Variants in CDH20 observed in about 807,000 individuals in gnomAD.
CDH20 encodes the protein cadherin 20, also known as cadherin-20.
Under a neutral mutation model 74.2 loss-of-function variants are expected in CDH20, and 29 were observed. The ratio of observed to expected loss-of-function variants is 0.39; its 90% CI spans 0.29 to 0.53. The LOEUF (loss-of-function observed/expected upper bound fraction) is 0.53. Ranked by LOEUF, CDH20 falls within the 20% of genes least tolerant of loss-of-function variation. CDH20 has a pLI of 0.69. For missense variants in CDH20, 988 were observed against 1,048.3 expected, an observed-to-expected ratio of 0.94 and a Z score of 0.79; for synonymous variants, 469 against 405.4, an observed-to-expected ratio of 1.16 and a Z score of -1.88.
chr18:61,467,239 T>C (rs1198065684), intron 1 of CDH20, among the ~76,000 whole-genome samples: 2 of 152,188 alleles, frequency 1.3e-5, no homozygotes, highest in Non-Finnish European at 2.9e-5. Context: ...CAAATTGTAG[T>C]ATTGGAAAAT....
intron 1 of CDH20, among the ~76,000 whole-genome samples, chr18:61,424,636 C>A (rs950628042): frequency 6.6e-6 from 1 of 152,074 alleles, no homozygotes; most frequent in African/African-American, 2.4e-5. Context: ...TTAGAATTAG[C>A]CAATGTAGTA....
chr18:61,434,525 A>G (rs1908763604), intron 1 of CDH20, among the ~76,000 whole-genome samples: 1 of 152,152 alleles, frequency 6.6e-6, no homozygotes, highest in South Asian at 2.1e-4. Context: ...TAATTACCAG[A>G]TTCTTACAGA....
intron 1 of CDH20, among the ~76,000 whole-genome samples, chr18:61,387,528 A>G (rs2144194506): frequency 6.6e-6 from 1 of 152,318 alleles, no homozygotes; most frequent in South Asian, 2.1e-4. Flanking sequence ...TTGACAAAAC[A>G]GTTGGAATTC....
intron 10 of CDH20, among the ~76,000 whole-genome samples, chr18:61,545,500 G>C (rs1162216088): frequency 2.0e-5 from 3 of 152,124 alleles, no homozygotes; most frequent in Non-Finnish European, 2.9e-5. Flanking sequence ...GTCGGCAGAT[G>C]TTTACTGAGT....
chr18:61,500,598 A>G, intron 4 of CDH20, 96 bp downstream of exon 4: 2 of 1,335,018 alleles, frequency 1.5e-6, no homozygotes, highest in Non-Finnish European at 2.1e-6. Flanking sequence ...AGGACTCTCC[A>G]GGGAGTGTAT....
chr18:61,546,298 CAT>C (rs1245792473), intron 10 of CDH20, among the ~76,000 whole-genome samples: 4 of 152,234 alleles, frequency 2.6e-5, no homozygotes, highest in Non-Finnish European at 2.9e-5. Context: ...TTCAACCCCA[CAT>C]GACAGTTTTC....
At chr18:61,520,102 G>T (rs1484679678) in intron 6 of CDH20, among the ~76,000 whole-genome samples, 1 of 150,442 alleles carries the variant, frequency 6.6e-6, no homozygotes, top group East Asian at 1.9e-4. Flanking sequence ...GGATCACGAG[G>T]TCAGGAGATC....
rs1301599165 is a variant in CDH20 at position 61,545,164 on chromosome 18, G to A, written c.1648+20G>A. On this transcript the variant is annotated intron_variant, in intron 10 of 11. Transcript: ENST00000262717. ...ACCAAGGTAATCAGGTGGATGGTTGGCTATCTGTGCTTTTCTACAGCATAG... is the reference window on the plus strand; with the variant it reads ...ACCAAGGTAATCAGGTGGATGGTTGACTATCTGTGCTTTTCTACAGCATAG... 1 of 1,495,976 alleles carries A rather than the reference G, an allele frequency of 6.7e-7. No individual in the cohort carries two copies. The highest frequency in any genetic ancestry group is 1.1e-5 in the South Asian group (1 of 88,710). The allele number at this position is 1,495,976 out of a possible 1,614,324, so 92.7% of individuals were successfully genotyped here.
intron 7 of CDH20, among the ~76,000 whole-genome samples, chr18:61,530,783 T>C (rs1028506258): frequency 6.6e-6 from 1 of 152,182 alleles, no homozygotes; most frequent in African/African-American, 2.4e-5. Context: ...TGAAAGAGGC[T>C]TCTGCTGATG....
chr18:61,352,872 A>C (rs571186971), intron 1 of CDH20, among the ~76,000 whole-genome samples: 1 of 152,342 alleles, frequency 6.6e-6, no homozygotes, highest in East Asian at 1.9e-4. Context: ...CATTCATAGA[A>C]GTTCTCATTG....
At chr18:61,394,480 G>C (rs1352925258) in intron 1 of CDH20, among the ~76,000 whole-genome samples, 70 of 152,190 alleles carry the variant, frequency 4.6e-4, no homozygotes, top group Admixed American at 4.6e-3. Flanking sequence ...GCAATGATTG[G>C]GGTGAGGCTT....
At chr18:61,389,761 C>T (rs549943985) in intron 1 of CDH20, among the ~76,000 whole-genome samples, 3 of 152,210 alleles carry the variant, frequency 2.0e-5, no homozygotes, top group East Asian at 3.9e-4. Context: ...CTGCTTGTAC[C>T]TGGGCCCACT....
chr18:61,465,387 T>C (rs1034085385), intron 1 of CDH20, among the ~76,000 whole-genome samples: 2 of 152,240 alleles, frequency 1.3e-5, no homozygotes, highest in African/African-American at 4.8e-5. Flanking sequence ...AAGAATGGCA[T>C]GTTGGCTCAT....
intron 1 of CDH20, among the ~76,000 whole-genome samples, chr18:61,451,976 G>T (rs1909403196): frequency 6.6e-6 from 1 of 152,104 alleles, no homozygotes; most frequent in South Asian, 2.1e-4. Context: ...CTTTCTGTCT[G>T]TTGTGGTCTT....
At chr18:61,493,664 C>T (rs1911037266) in intron 2 of CDH20, among the ~76,000 whole-genome samples, 1 of 152,192 alleles carries the variant, frequency 6.6e-6, no homozygotes, top group African/African-American at 2.4e-5. Context: ...CATTCAAATT[C>T]CTCAAAGTTT....
chr18:61,368,747 TGAA>T (rs1048173721), intron 1 of CDH20, among the ~76,000 whole-genome samples: 4 of 151,346 alleles, frequency 2.6e-5, no homozygotes, highest in South Asian at 4.2e-4. Flanking sequence ...GACATGCTTG[TGAA>T]GAAGAAGACA....
intron 1 of CDH20, among the ~76,000 whole-genome samples, chr18:61,482,253 T>C (rs565588815): frequency 7.9e-5 from 12 of 152,342 alleles, no homozygotes; most frequent in African/African-American, 2.6e-4. Context: ...AGTAGAATGA[T>C]GAATTTTTTA....
intron 1 of CDH20, among the ~76,000 whole-genome samples, chr18:61,406,291 A>G (rs998847457): frequency 2.0e-5 from 3 of 152,222 alleles, no homozygotes; most frequent in Admixed American, 6.5e-5. Context: ...GACTTCCACA[A>G]GTTGATAAGT....
intron 1 of CDH20, among the ~76,000 whole-genome samples, chr18:61,482,722 TAACCATA>T (rs1910630598): frequency 3.3e-4 from 1 of 3,002 alleles, no homozygotes; most frequent in Non-Finnish European, 2.9e-3. Flanking sequence ...CTTCAACTCC[TAACCATA>T]AGCAATCCTC....
Sources: allele counts gnomAD v4.1 joint callset (sites outside exome capture counted in the v4.1 genomes callset), GRCh38; gene constraint gnomAD v4.1.1; transcripts MANE v1.5; gene names NCBI Gene and HGNC (gene_info 2026-07-23, HGNC 2026-07-21).